Variants in ZNF786 observed in about 807,000 individuals in gnomAD.
The protein encoded by ZNF786 is zinc finger protein 786.
Under a neutral mutation model 63.1 loss-of-function variants are expected in ZNF786, and 56 were observed. The ratio of observed to expected loss-of-function variants is 0.89; its 90% CI spans 0.72 to 1.11. The LOEUF (loss-of-function observed/expected upper bound fraction) is 1.11, where lower values mean the gene tolerates loss of function less well. ZNF786 is among the 50% of genes least tolerant of loss of function. The pLI, the probability that ZNF786 is intolerant of heterozygous loss-of-function variation, is 0.00. For synonymous variants in ZNF786, 485 were observed against 406.9 expected (o/e 1.19, Z -2.31); for missense variants, 1,213 against 1,041.8 (o/e 1.16, Z -2.26).
rs568521450 is a variant in ZNF786, at chr7:149,070,295, G to A, written c.*128C>T. 4 of 1,193,266 alleles carry A rather than the reference G, an allele frequency of 3.4e-6. No individual in the cohort carries two copies. The highest frequency in any genetic ancestry group is 3.0e-5 in the South Asian group (2 of 66,458). The allele number at this position is 1,193,266 out of a possible 1,614,324, so 73.9% of individuals were successfully genotyped here. A position where few individuals can be genotyped will look rare whatever the true frequency, so the allele number is the denominator to read the frequency against. Reference sequence around the variant, plus strand: ...TTGTGGTTCTTCATATTCCTAACTTGCATGACACTCTTGCTCAAAGAAGGA... The same window carrying A: ...TTGTGGTTCTTCATATTCCTAACTTACATGACACTCTTGCTCAAAGAAGGA... On this transcript the variant is annotated 3_prime_UTR_variant, in exon 4 of 4. Coordinates refer to ENST00000491431, the MANE Select transcript of ZNF786 (RefSeq NM_152411.4).
At chr7:149,072,543 T>C (rs1394611202) in intron 3 of ZNF786, 70 bp from the exon 4 acceptor site, 4 of 1,462,380 alleles carry the variant, frequency 2.7e-6, no homozygotes, top group Non-Finnish European at 2.7e-6. Context: ...CACAGTCAAG[T>C]GACCCACAAG....
At chr7:149,087,623 A>G (rs1825758989) in intron 1 of ZNF786, among the ~76,000 whole-genome samples, 1 of 152,184 alleles carries the variant, frequency 6.6e-6, no homozygotes, top group Admixed American at 6.5e-5. Context: ...CACACATGCA[A>G]CACACTTCAA....
chr7:149,085,848 G>C (rs913896043), intron 1 of ZNF786, among the ~76,000 whole-genome samples: 1 of 152,182 alleles, frequency 6.6e-6, no homozygotes, highest in African/African-American at 2.4e-5. Flanking sequence ...GACTAGATGT[G>C]AATGGGACTG....
At chr7:149,079,360 G>A (rs1303522256) in intron 2 of ZNF786, among the ~76,000 whole-genome samples, 1 of 151,398 alleles carries the variant, frequency 6.6e-6, no homozygotes, top group Non-Finnish European at 1.5e-5. Flanking sequence ...AGTGAGCTGA[G>A]ATCCCGCCGC....
chr7:149,090,474 A>G (rs1825812427), intron 1 of ZNF786, 149 bp downstream of exon 1: 1 of 933,502 alleles, frequency 1.1e-6, no homozygotes, highest in Non-Finnish European at 1.4e-6. Flanking sequence ...AGGGCCCGGA[A>G]TCCACATCCC....
chr7:149,085,581 T>C (rs1022267295), intron 1 of ZNF786, among the ~76,000 whole-genome samples: 3 of 152,160 alleles, frequency 2.0e-5, no homozygotes, highest in African/African-American at 7.2e-5. Context: ...TCCTGAAGTG[T>C]TGGGATTACA....
In ZNF786 at chr7:149,070,356, G is replaced by C. The variant is rs1483261016; in HGVS notation, c.*67C>G. The C allele has an allele frequency of 3.2e-6, 5 of 1,566,292 alleles. No homozygotes were observed. Among genetic ancestry groups the C allele is most frequent in the Non-Finnish European group, 4.3e-6 (5 of 1,153,966 alleles). On this transcript the variant is annotated 3_prime_UTR_variant, in exon 4 of 4. Transcript: ENST00000491431. ...TAAAACCCGTCTACCAGCGGGTCTG[G>C]CTACTGTTGCTGTGGATTCCTGGGC...
In ZNF786 at chr7:149,078,950, T is replaced by A. The variant is rs376517826; in HGVS notation, c.145+1641A>T. On this transcript the variant is annotated intron_variant, in intron 2 of 3. Transcript: ENST00000491431. ...TGGGGAGAAGATGATAGAAGAGGGA[T>A]TGTATAAGTGAACTAATGCCTAATT... 3.4e-4 allele frequency among the ~76,000 whole-genome samples: 52 copies of A among 152,266 alleles called. 1 individual carries two copies. Among genetic ancestry groups the A allele is most frequent in the African/African-American group, 1.2e-3 (50 of 41,562 alleles).
intron 2 of ZNF786, among the ~76,000 whole-genome samples, chr7:149,076,772 G>C (rs1585464776): frequency 1.4e-5 from 2 of 147,258 alleles, no homozygotes; most frequent in Non-Finnish European, 1.5e-5. Flanking sequence ...ACTGCAACTT[G>C]CTCTTCTCTC....
chr7:149,069,767 G>C lies in ZNF786; in HGVS notation c.*656C>G, dbSNP rs1825364641. The C allele has an allele frequency of 6.6e-6, 1 of 152,430 alleles. No homozygotes were observed. Among genetic ancestry groups the C allele is most frequent in the Non-Finnish European group, 1.5e-5 (1 of 68,554 alleles). 9.4% of individuals were successfully genotyped at this position (152,430 alleles called of 1,614,324 possible). A position where few individuals can be genotyped will look rare whatever the true frequency, so the allele number is the denominator to read the frequency against. On this transcript the variant is annotated 3_prime_UTR_variant, in exon 4 of 4. Coordinates refer to ENST00000491431, the MANE Select transcript of ZNF786 (RefSeq NM_152411.4). ...GCTTCAGGAGTAGCTGGGACTACTGGTGTGTACCACCATGCCTGGCTAATT... is the reference window on the plus strand; with the variant it reads ...GCTTCAGGAGTAGCTGGGACTACTGCTGTGTACCACCATGCCTGGCTAATT...
At chr7:149,080,331 T>C (rs1301555961) in intron 2 of ZNF786, among the ~76,000 whole-genome samples, 1 of 152,188 alleles carries the variant, frequency 6.6e-6, no homozygotes, top group Non-Finnish European at 1.5e-5. Context: ...CTGATAGTCA[T>C]GACTAAAGGC....
At chr7:149,085,662 T>C (rs1249723565) in intron 1 of ZNF786, among the ~76,000 whole-genome samples, 1 of 150,978 alleles carries the variant, frequency 6.6e-6, no homozygotes, top group African/African-American at 2.5e-5. Flanking sequence ...GGAATAGCAA[T>C]GAATCTGGAA....
At chr7:149,074,632 A>C in intron 2 of ZNF786, 94 bp from the exon 3 acceptor site, 5 of 1,324,944 alleles carry the variant, frequency 3.8e-6, no homozygotes, top group Non-Finnish European at 5.1e-6. Context: ...GGGACAAAGT[A>C]TGAGAACAAC....
intron 2 of ZNF786, 105 bp downstream of exon 2, chr7:149,080,486 A>T: frequency 8.2e-7 from 1 of 1,213,336 alleles, no homozygotes; most frequent in South Asian, 2.2e-5. Flanking sequence ...CTTCTGAGTT[A>T]ATTTCTGAGA....
chr7:149,073,993 A>G (rs1825495539), intron 3 of ZNF786, among the ~76,000 whole-genome samples: 2 of 151,284 alleles, frequency 1.3e-5, no homozygotes, highest in Non-Finnish European at 2.9e-5. Context: ...GGGTTTCACC[A>G]TGTTGGCCAG....
At chr7:149,078,669 A>G (rs536825774) in intron 2 of ZNF786, among the ~76,000 whole-genome samples, 7 of 152,096 alleles carry the variant, frequency 4.6e-5, no homozygotes, top group African/African-American at 1.7e-4. Context: ...GGGCAACAAG[A>G]GTGAAACTCC....
chr7:149,080,313 A>G (rs144812056), intron 2 of ZNF786, among the ~76,000 whole-genome samples: 13 of 152,288 alleles, frequency 8.5e-5, no homozygotes, highest in African/African-American at 3.1e-4. Context: ...GTGGACAATC[A>G]TGGCATCCTG....
At chr7:149,085,681 G>C (rs960459553) in intron 1 of ZNF786, among the ~76,000 whole-genome samples, 8 of 148,918 alleles carry the variant, frequency 5.4e-5, no homozygotes, top group Non-Finnish European at 1.5e-5. Context: ...AAACTGCTTT[G>C]GGCAGTATGG....
chr7:149,079,861 G>A (rs1464662030), intron 2 of ZNF786, among the ~76,000 whole-genome samples: 1 of 147,286 alleles, frequency 6.8e-6, no homozygotes, highest in South Asian at 2.3e-4. Context: ...GAGCCACCGC[G>A]CCCAGCAGAC....
Sources: allele counts gnomAD v4.1 joint callset (sites outside exome capture counted in the v4.1 genomes callset), GRCh38; gene constraint gnomAD v4.1.1; transcripts MANE v1.5; gene names NCBI Gene and HGNC (gene_info 2026-07-23, HGNC 2026-07-21).